The following ARMH3 variants were observed in gnomAD, a reference collection of about 807,000 sequenced individuals.
ARMH3 encodes the protein armadillo like helical domain containing 3.
In ARMH3, 60 loss-of-function variants were observed where a neutral mutation model predicts 99.1. That is an observed-to-expected ratio of 0.61 (90% CI 0.49 to 0.75). The LOEUF is 0.75. Among genes scored for constraint, ARMH3 ranks in the 30% least tolerant of loss-of-function variants. The probability of loss-of-function intolerance (pLI) is 0.00; values close to 1 mark genes in which losing one functional copy is unlikely to be tolerated. For synonymous variants in ARMH3, 285 were observed against 292.8 expected (o/e 0.97, Z 0.27); for missense variants, 679 against 843.1 (o/e 0.81, Z 2.41).
At chr10:101,979,752 T>C (rs1816529565) in intron 19 of ARMH3, among the ~76,000 whole-genome samples, 1 of 152,232 alleles carries the variant, frequency 6.6e-6, no homozygotes, top group South Asian at 2.1e-4. Flanking sequence ...TATGCTTGGA[T>C]TCTTGATTAA....
chr10:102,046,361 A>C (rs924625453), intron 1 of ARMH3, among the ~76,000 whole-genome samples: 7 of 151,920 alleles, frequency 4.6e-5, no homozygotes, highest in Admixed American at 4.6e-4. Context: ...AAGAAAAAGA[A>C]AAGAAAAGAT....
chr10:101,971,557 AT>A (rs1358579640), intron 20 of ARMH3, among the ~76,000 whole-genome samples: 2 of 152,180 alleles, frequency 1.3e-5, no homozygotes, highest in Non-Finnish European at 2.9e-5. Flanking sequence ...TCTCAAAAAA[AT>A]AAAATAAAAT....
At chr10:102,029,557 A>G in intron 5 of ARMH3, 81 bp downstream of exon 5, 1 of 1,613,756 alleles carries the variant, frequency 6.2e-7, no homozygotes, top group Non-Finnish European at 8.5e-7. Context: ...CAAATCTTTG[A>G]GTACATTTGT....
At chr10:101,918,037 G>T (rs1184516291) in intron 23 of ARMH3, among the ~76,000 whole-genome samples, 8 of 152,050 alleles carry the variant, frequency 5.3e-5, no homozygotes, top group African/African-American at 1.9e-4. Context: ...ATATCATGGG[G>T]TTTTTTGTTT....
intron 24 of ARMH3, among the ~76,000 whole-genome samples, chr10:101,862,047 TC>T (rs2066887491): frequency 3.9e-5 from 1 of 25,404 alleles, no homozygotes; most frequent in South Asian, 8.4e-4. Context: ...AGATTCCCTC[TC>T]AAAAAAAAAA....
At position 102,051,669 on chromosome 10, in the gene ARMH3, C is replaced by A. The variant is rs565838829; in HGVS notation, c.-12+4416G>T. Among the ~76,000 whole-genome samples, 14 of 152,174 alleles carry A rather than the reference C, an allele frequency of 9.2e-5. No individual in the cohort carries two copies. The East Asian group carries it at 2.5e-3, about 27-fold the overall frequency. On this transcript the variant is annotated intron_variant, in intron 1 of 25. Coordinates refer to ENST00000370033, the MANE Select transcript of ARMH3 (RefSeq NM_024541.3). ...CCTCAGAATGGGTGTTCAGCCTATA[C>A]CTGAAAATGGAAGTAACTCAGAGAC...
chr10:101,948,006 A>C (rs1377242732), intron 22 of ARMH3, among the ~76,000 whole-genome samples: 1 of 152,138 alleles, frequency 6.6e-6, no homozygotes, highest in African/African-American at 2.4e-5. Flanking sequence ...TATTCAAATT[A>C]TCCAAAAGAA....
chr10:101,938,211 G>T (rs1380261998), intron 23 of ARMH3, among the ~76,000 whole-genome samples: 1 of 152,160 alleles, frequency 6.6e-6, no homozygotes, highest in East Asian at 1.9e-4. Flanking sequence ...ACTGAGTCCG[G>T]TTATTAGCAA....
intron 20 of ARMH3, among the ~76,000 whole-genome samples, chr10:101,968,373 C>G (rs911717748): frequency 8.5e-5 from 13 of 152,120 alleles, no homozygotes; most frequent in Non-Finnish European, 1.5e-5. Flanking sequence ...TGACACAGAA[C>G]CAATAACTTT....
intron 22 of ARMH3, 143 bp from the exon 23 acceptor site, chr10:101,940,081 T>C: frequency 1.7e-6 from 1 of 585,850 alleles, no homozygotes; most frequent in Non-Finnish European, 3.0e-6. Context: ...ATCCTCAGCT[T>C]AGATAAAAAT....
chr10:101,876,830 A>ACT (rs2067278693), intron 24 of ARMH3, among the ~76,000 whole-genome samples: 1 of 152,074 alleles, frequency 6.6e-6, no homozygotes. Context: ...CTACCTGAAC[A>ACT]CTCTCATCTA....
intron 1 of ARMH3, among the ~76,000 whole-genome samples, chr10:102,042,658 TCTC>T (rs1488007982): frequency 1.3e-5 from 2 of 152,188 alleles, no homozygotes; most frequent in East Asian, 3.8e-4. Context: ...CATAAAGTCT[TCTC>T]CTCCTGCCAG....
chr10:101,975,300 T>C lies in ARMH3; in HGVS notation c.1407A>G (p.Ile469Met). ...GTTTGTGTACTACCTGGATGCAGCG[T>C]CTGTAACAGGGAAAGCAAAAAATGA... ...MMKEFPMDLY[I>M]RCIQVVHKLL... Residue 469 changes from isoleucine to methionine, a missense_variant and splice_region_variant, in exon 20 of 26, where the codon ATA (isoleucine) becomes ATG (methionine). By Grantham distance (10) the Ile-to-Met change is conservative (BLOSUM62 1). This residue lies in a region of ARMH3 where 389 missense variants were observed against 456.5 expected (regional missense o/e 0.85). Coordinates refer to ENST00000370033, the MANE Select transcript of ARMH3 (RefSeq NM_024541.3). The C allele has an allele frequency of 6.2e-7, 1 of 1,612,060 alleles. No individual in the cohort carries two copies. Among genetic ancestry groups the C allele is most frequent in the South Asian group, 1.1e-5 (1 of 90,996 alleles).
At chr10:101,986,121 G>A (rs1846490545) in intron 19 of ARMH3, among the ~76,000 whole-genome samples, 2 of 152,028 alleles carry the variant, frequency 1.3e-5, no homozygotes, top group South Asian at 4.2e-4. Flanking sequence ...CTTCTTGTGG[G>A]GCTTCTTTCA....
chr10:101,953,134 G>GT (rs949105222), intron 22 of ARMH3, among the ~76,000 whole-genome samples: 7 of 152,088 alleles, frequency 4.6e-5, no homozygotes, highest in African/African-American at 1.7e-4. Flanking sequence ...GTGCACTGGT[G>GT]TTTGTTTTTT....
intron 23 of ARMH3, among the ~76,000 whole-genome samples, chr10:101,925,973 T>C (rs1276575913): frequency 1.3e-5 from 2 of 151,950 alleles, no homozygotes; most frequent in African/African-American, 4.8e-5. Flanking sequence ...TTAAGCACTG[T>C]TTCTCTAAGT....
At chr10:102,050,072 G>A (rs972611055) in intron 1 of ARMH3, among the ~76,000 whole-genome samples, 11 of 152,002 alleles carry the variant, frequency 7.2e-5, no homozygotes, top group Non-Finnish European at 1.5e-4. Context: ...GAACCCGGGA[G>A]GCGGTGGTTG....
rs1590184561 is a variant in ARMH3, at chr10:102,014,151, A to C, written c.670-127T>G. ...CTCTACAGTGATGCTCCTGATACAC[A>C]GTCCCAATCCATATTGCCTGCTGAC... On this transcript the variant is annotated intron_variant, in intron 8 of 25. Coordinates refer to ENST00000370033, the MANE Select transcript of ARMH3 (RefSeq NM_024541.3). The C allele has an allele frequency of 1.9e-5, 13 of 678,136 alleles. No individual in the cohort carries two copies. The East Asian group carries it at 3.5e-4, about 18-fold the overall frequency. The allele number at this position is 678,136 out of a possible 1,614,324, so 42.0% of individuals were successfully genotyped here. A position where few individuals can be genotyped will look rare whatever the true frequency, so the allele number is the denominator to read the frequency against.
intron 20 of ARMH3, among the ~76,000 whole-genome samples, chr10:101,964,970 C>T (rs1387711905): frequency 6.6e-6 from 1 of 151,900 alleles, no homozygotes; most frequent in East Asian, 1.9e-4. Context: ...CAAGATTGCA[C>T]CACTGCACTC....
Sources: gnomAD v4.1 joint callset for allele counts (sites outside exome capture counted in the v4.1 genomes callset) on GRCh38, gnomAD v4.1.1 for gene constraint, gnomAD v4.1.1 regional missense constraint, MANE v1.5 for transcripts, NCBI Gene and HGNC (gene_info 2026-07-23, HGNC 2026-07-21) for gene names.